TMEM39B: variants seen among roughly 807,000 people sequenced by gnomAD.
The protein encoded by TMEM39B is transmembrane protein 39B.
Under a neutral mutation model 52.2 loss-of-function variants are expected in TMEM39B, and 23 were observed. The observed-to-expected ratio is 0.44, with a 90% confidence interval of 0.32 to 0.62. The LOEUF (loss-of-function observed/expected upper bound fraction) is 0.62, where lower values mean the gene tolerates loss of function less well. Ranked by LOEUF, TMEM39B falls within the 20% of genes least tolerant of loss-of-function variation. The pLI is 0.06. For missense variants in TMEM39B, 547 were observed against 642.0 expected (o/e 0.85, Z 1.60); for synonymous variants, 285 against 264.0 (o/e 1.08, Z -0.77).
Position 32,083,016 on chromosome 1 carries a change from C to T in TMEM39B, c.590+5698C>T, listed in dbSNP as rs549340032. 1.8e-3 allele frequency among the ~76,000 whole-genome samples: 273 copies of T among 151,482 alleles called. 2 individuals carry two copies. The highest frequency in any genetic ancestry group is 6.3e-3 in the African/African-American group (259 of 41,264). ...GTCTCGATCTCCTGACCTCGTGATC[C>T]ACCCGCCTCAGCCTCCCAAAGTGCT... is the stretch of plus-strand genomic sequence containing the variant. On this transcript the variant is annotated intron_variant, in intron 5 of 8. Transcript: ENST00000336294.
intron 7 of TMEM39B, among the ~76,000 whole-genome samples, chr1:32,097,603 G>T (rs1197408481): frequency 6.6e-6 from 1 of 151,960 alleles, no homozygotes; most frequent in Non-Finnish European, 1.5e-5. Flanking sequence ...GTGGAACTGG[G>T]ATTATAGGCG....
chr1:32,099,917 G>C (rs183841227), intron 7 of TMEM39B, among the ~76,000 whole-genome samples: 3 of 152,108 alleles, frequency 2.0e-5, no homozygotes, highest in African/African-American at 7.2e-5. Flanking sequence ...CATGGTGGCA[G>C]ATGCCTGTAA....
At chr1:32,102,309 C>G in intron 8 of TMEM39B, 122 bp from the exon 9 acceptor site, 1 of 1,357,732 alleles carries the variant, frequency 7.4e-7, no homozygotes, top group Non-Finnish European at 1.0e-6. Context: ...AGTCTTCTTC[C>G]CCACCCATGT....
intron 5 of TMEM39B, among the ~76,000 whole-genome samples, chr1:32,084,248 A>C (rs548329420): frequency 2.5e-4 from 38 of 152,012 alleles, no homozygotes; most frequent in African/African-American, 7.7e-4. Context: ...CCTGGAGTCC[A>C]TTTCCTTCTC....
intron 7 of TMEM39B, among the ~76,000 whole-genome samples, chr1:32,097,008 T>C (rs1640834363): frequency 1.3e-5 from 2 of 152,088 alleles, no homozygotes; most frequent in Admixed American, 1.3e-4. Context: ...TTTTGCCATG[T>C]TGCCCAGGCT....
intron 8 of TMEM39B, chr1:32,100,782 T>G: frequency 1.8e-6 from 1 of 550,504 alleles, no homozygotes; most frequent in Non-Finnish European, 3.2e-6. Flanking sequence ...TCCCAGCACT[T>G]TGGGAGACCA....
chr1:32,091,333 G>C (rs1433372927), intron 5 of TMEM39B, among the ~76,000 whole-genome samples: 2 of 152,174 alleles, frequency 1.3e-5, no homozygotes, highest in East Asian at 1.9e-4. Context: ...AAAGCATTCG[G>C]TACAGTGCCT....
At chr1:32,092,060 C>G (rs576328382) in intron 6 of TMEM39B, 49 bp downstream of exon 6, 1 of 1,548,564 alleles carries the variant, frequency 6.5e-7, no homozygotes. Flanking sequence ...GGACTTTACC[C>G]TGCTGCCTGC....
At chr1:32,091,542 G>GGAAT in intron 5 of TMEM39B, 133 bp from the exon 6 acceptor site, 1 of 964,818 alleles carries the variant, frequency 1.0e-6, no homozygotes, top group Non-Finnish European at 1.5e-6. Flanking sequence ...ATGGATGGAA[G>GGAAT]GACTGGTAAA....
rs1236656674 is a variant in TMEM39B, at chr1:32,094,871, C to G, written c.1015C>G (p.Leu339Val). The G allele has an allele frequency of 3.1e-6, 5 of 1,614,202 alleles. No individual in the cohort carries two copies. The Admixed American group carries it at 5.0e-5, about 16-fold the overall frequency. Reference sequence around the variant, plus strand: ...CTCCGTGATCCTCATGCAGCACCTGCTGCCTGCCAGCTACTGTGACCTGCT... The same window carrying G: ...CTCCGTGATCCTCATGCAGCACCTGGTGCCTGCCAGCTACTGTGACCTGCT... ...STSVILMQHL[L>V]PASYCDLLHK... is the part of the protein sequence containing the mutation. The change falls in exon 7 of 9, where the codon CTG becomes GTG. Residue 339 changes from leucine (L) to valine (V), a missense_variant. Physicochemically the swap from Leu to Val is conservative, Grantham distance 32. Coordinates refer to ENST00000336294, the MANE Select transcript of TMEM39B (RefSeq NM_018056.4).
At chr1:32,101,578 C>T (rs913920122) in intron 8 of TMEM39B, among the ~76,000 whole-genome samples, 1 of 152,088 alleles carries the variant, frequency 6.6e-6, no homozygotes, top group Non-Finnish European at 1.5e-5. Flanking sequence ...ACCTGGGGCT[C>T]TAAGGAACAC....
intron 5 of TMEM39B, among the ~76,000 whole-genome samples, chr1:32,082,888 C>T (rs1640167088): frequency 1.3e-5 from 2 of 152,056 alleles, no homozygotes; most frequent in South Asian, 4.2e-4. Context: ...CATTCTCCAG[C>T]CTCAGCCTCC....
At chr1:32,073,322 G>T (rs56173950) in intron 1 of TMEM39B, 3 of 484,776 alleles carry the variant, frequency 6.2e-6, no homozygotes, top group Admixed American at 4.2e-5. Context: ...GGCTAGAAAG[G>T]GGGGCGGGAC....
intron 3 of TMEM39B, chr1:32,076,030 G>GT: frequency 2.8e-6 from 1 of 362,516 alleles, no homozygotes; most frequent in Non-Finnish European, 5.0e-6. Context: ...ATTGGGCACT[G>GT]TAAGTGTATG....
At chr1:32,075,249 C>A (rs1029700690) in intron 2 of TMEM39B, among the ~76,000 whole-genome samples, 172 bp downstream of exon 2, 11 of 152,144 alleles carry the variant, frequency 7.2e-5, no homozygotes, top group African/African-American at 2.7e-4. Context: ...ATCACTTGGA[C>A]AGATGCAGTG....
chr1:32,090,061 C>T (rs544275879), intron 5 of TMEM39B, among the ~76,000 whole-genome samples: 2 of 151,872 alleles, frequency 1.3e-5, no homozygotes, highest in Admixed American at 1.3e-4. Flanking sequence ...GCATTGTGAT[C>T]AGCCCTAACT....
intron 1 of TMEM39B, among the ~76,000 whole-genome samples, chr1:32,074,590 G>A (rs2124420158): frequency 6.6e-6 from 1 of 152,128 alleles, no homozygotes; most frequent in East Asian, 1.9e-4. Context: ...GAATTCTGGT[G>A]GAAAAAAAGA....
chr1:32,078,981 G>A (rs1044684057), intron 5 of TMEM39B, among the ~76,000 whole-genome samples: 4 of 152,008 alleles, frequency 2.6e-5, no homozygotes, highest in African/African-American at 9.7e-5. Context: ...ATTATGCTAT[G>A]CATGATGTAC....
At chr1:32,097,479 C>T (rs1014465421) in intron 7 of TMEM39B, among the ~76,000 whole-genome samples, 2 of 150,396 alleles carry the variant, frequency 1.3e-5, no homozygotes, top group African/African-American at 2.5e-5. Context: ...TACAGGCGTG[C>T]GCCACCATGC....
Sources: allele counts gnomAD v4.1 joint callset (sites outside exome capture counted in the v4.1 genomes callset), GRCh38; gene constraint gnomAD v4.1.1; transcripts MANE v1.5; gene names NCBI Gene and HGNC (gene_info 2026-07-23, HGNC 2026-07-21).